SGO2: variants seen among roughly 807,000 people sequenced by gnomAD.
SGO2 encodes the protein shugoshin 2.
Under a neutral mutation model 99.5 loss-of-function variants are expected in SGO2, and 68 were observed. The observed-to-expected ratio is 0.68, with a 90% CI of 0.56 to 0.84. The LOEUF (loss-of-function observed/expected upper bound fraction) is 0.84, where lower values mean the gene tolerates loss of function less well. SGO2 is among the 40% of genes least tolerant of loss of function. The probability of loss-of-function intolerance (pLI) is 0.00; values close to 1 mark genes in which losing one functional copy is unlikely to be tolerated. For synonymous variants in SGO2, 457 were observed against 487.1 expected (o/e 0.94, Z 0.81); for missense variants, 1,350 against 1,436.7 (o/e 0.94, Z 0.97).
At chr2:200,544,874 A>G (rs2032140083) in intron 5 of SGO2, among the ~76,000 whole-genome samples, 1 of 152,040 alleles carries the variant, frequency 6.6e-6, no homozygotes, top group Non-Finnish European at 1.5e-5. Context: ...CATTTTAGCC[A>G]TTTTGAGGGA....
rs144912027 is a variant in SGO2, at chr2:200,558,960, G to A, written c.474-10703G>A. On this transcript the variant is annotated intron_variant, in intron 5 of 8. Coordinates refer to ENST00000357799, the MANE Select transcript of SGO2 (RefSeq NM_152524.6). ...TGGGATTACAGATGCTCGCCAACGC[G>A]CCCAGCTAAATTTTGTATATTTTAT... 1.3e-4 allele frequency among the ~76,000 whole-genome samples: 20 copies of A among 151,970 alleles called. No individual in the cohort carries two copies. The East Asian group carries it at 2.3e-3, about 18-fold the overall frequency.
chr2:200,531,318 G>T (rs2031369089), intron 1 of SGO2, among the ~76,000 whole-genome samples: 1 of 152,154 alleles, frequency 6.6e-6, no homozygotes, highest in Non-Finnish European at 1.5e-5. Flanking sequence ...TCATAAAGAG[G>T]AGTGACCCAG....
intron 5 of SGO2, among the ~76,000 whole-genome samples, chr2:200,568,107 C>A (rs1394350202): frequency 6.6e-6 from 1 of 152,184 alleles, no homozygotes; most frequent in African/African-American, 2.4e-5. Context: ...TTCTCCATCT[C>A]CTCACCAACA....
intron 4 of SGO2, among the ~76,000 whole-genome samples, chr2:200,538,012 C>T (rs767321892): frequency 1.3e-5 from 2 of 152,288 alleles, no homozygotes; most frequent in South Asian, 2.1e-4. Context: ...TCTTTCACCA[C>T]GCATGTCCAA....
intron 4 of SGO2, among the ~76,000 whole-genome samples, chr2:200,537,728 C>T (rs182716431): frequency 6.3e-4 from 96 of 152,218 alleles, no homozygotes; most frequent in Non-Finnish European, 1.1e-3. Context: ...CTGCTATACA[C>T]TGTTGACTTT....
chr2:200,575,205 G>A, intron 7 of SGO2, 106 bp from the exon 8 acceptor site: 1 of 553,052 alleles, frequency 1.8e-6, no homozygotes, highest in East Asian at 3.4e-5. Context: ...ATTGAATCAA[G>A]ATTTAAAATT....
At chr2:200,565,645 C>T (rs1248905103) in intron 5 of SGO2, among the ~76,000 whole-genome samples, 1 of 152,158 alleles carries the variant, frequency 6.6e-6, no homozygotes, top group African/African-American at 2.4e-5. Context: ...TGGATAATAT[C>T]CGGAAGAGTG....
chr2:200,551,045 A>G (rs1232262026), intron 5 of SGO2, among the ~76,000 whole-genome samples: 1 of 152,120 alleles, frequency 6.6e-6, no homozygotes, highest in Non-Finnish European at 1.5e-5. Context: ...GTAAATTAAC[A>G]TAGCCACTAT....
chr2:200,564,949 G>A (rs2033128365), intron 5 of SGO2, among the ~76,000 whole-genome samples: 2 of 151,976 alleles, frequency 1.3e-5, no homozygotes, highest in Non-Finnish European at 1.5e-5. Context: ...TTGAGCCTAT[G>A]TGTGTCGCTG....
chr2:200,537,921 C>T (rs572495085), intron 4 of SGO2, among the ~76,000 whole-genome samples: 1 of 152,274 alleles, frequency 6.6e-6, no homozygotes, highest in South Asian at 2.1e-4. Flanking sequence ...CTTTTTCTCA[C>T]ACCCCATATC....
chr2:200,564,348 A>G (rs933043799), intron 5 of SGO2, among the ~76,000 whole-genome samples: 9 of 152,216 alleles, frequency 5.9e-5, no homozygotes, highest in African/African-American at 2.2e-4. Context: ...CAGATTGTTC[A>G]GTTTCCATGT....
intron 8 of SGO2, among the ~76,000 whole-genome samples, chr2:200,577,779 G>A (rs879767357): frequency 2.0e-5 from 3 of 150,944 alleles, no homozygotes; most frequent in Non-Finnish European, 4.4e-5. Flanking sequence ...TCTCATGATT[G>A]CAATGCAGTT....
At chr2:200,580,943 G>C (rs1243701003) in intron 8 of SGO2, among the ~76,000 whole-genome samples, 1 of 152,144 alleles carries the variant, frequency 6.6e-6, no homozygotes, top group Non-Finnish European at 1.5e-5. Flanking sequence ...GATACATAGT[G>C]TTTTCAATGT....
intron 1 of SGO2, 135 bp from the exon 2 acceptor site, chr2:200,532,839 A>G: frequency 1.1e-6 from 1 of 951,498 alleles, no homozygotes; most frequent in Non-Finnish European, 1.5e-6. Flanking sequence ...ATACTTTCAG[A>G]TTTTATGTAA....
chr2:200,540,925 G>T (rs2031933220), intron 4 of SGO2, among the ~76,000 whole-genome samples: 1 of 152,058 alleles, frequency 6.6e-6, no homozygotes, highest in Non-Finnish European at 1.5e-5. Flanking sequence ...AAAAAGACTG[G>T]GTAATTTATA....
intron 8 of SGO2, among the ~76,000 whole-genome samples, chr2:200,579,018 T>A (rs1411090456): frequency 2.0e-5 from 3 of 152,182 alleles, no homozygotes; most frequent in Non-Finnish European, 4.4e-5. Context: ...CTCCATCCAC[T>A]AGATGTCAGT....
intron 5 of SGO2, among the ~76,000 whole-genome samples, chr2:200,557,866 T>C (rs989933321): frequency 3.5e-5 from 2 of 57,656 alleles, no homozygotes; most frequent in African/African-American, 1.1e-4. Flanking sequence ...CATTGGCTAC[T>C]TTTTTTTTTT....
intron 5 of SGO2, among the ~76,000 whole-genome samples, chr2:200,550,479 C>T (rs982990142): frequency 3.2e-4 from 48 of 152,238 alleles, no homozygotes; most frequent in African/African-American, 1.1e-3. Flanking sequence ...AACAAAACAG[C>T]ATGGTACTGG....
chr2:200,542,864 G>T, intron 5 of SGO2, 200 bp downstream of exon 5: 1 of 386,896 alleles, frequency 2.6e-6, no homozygotes, highest in Non-Finnish European at 4.7e-6. Context: ...CCCCAACCAG[G>T]TTTATTTGTA....
Sources: gnomAD v4.1 joint callset for allele counts (sites outside exome capture counted in the v4.1 genomes callset) on GRCh38, gnomAD v4.1.1 for gene constraint, MANE v1.5 for transcripts, NCBI Gene and HGNC (gene_info 2026-07-23, HGNC 2026-07-21) for gene names.